Variants in ARID2 observed in about 807,000 individuals in gnomAD.
ARID2 encodes the protein AT-rich interaction domain 2.
In ARID2, 32 loss-of-function variants were observed where a neutral mutation model predicts 184.6. The ratio of observed to expected loss-of-function variants is 0.17; its 90% CI spans 0.13 to 0.23. The LOEUF is 0.23. Ranked by LOEUF, ARID2 falls within the 10% of genes least tolerant of loss-of-function variation. The pLI, the probability that ARID2 is intolerant of heterozygous loss-of-function variation, is 1.00. For synonymous variants in ARID2, 836 were observed against 772.6 expected (o/e 1.08, Z -1.36); for missense variants, 1,696 against 2,197.6 (o/e 0.77, Z 4.56).
At chr12:45,856,801 T>G (rs907824777) in intron 15 of ARID2, among the ~76,000 whole-genome samples, 5 of 152,214 alleles carry the variant, frequency 3.3e-5, no homozygotes, top group Non-Finnish European at 5.9e-5. Flanking sequence ...ATATTTAGTA[T>G]TTAGCTGGGT....
intron 3 of ARID2, among the ~76,000 whole-genome samples, chr12:45,778,537 G>C (rs745998083): frequency 1.3e-5 from 2 of 151,928 alleles, no homozygotes; most frequent in Non-Finnish European, 2.9e-5. Flanking sequence ...GTAATAATAA[G>C]AAAAAGACTA....
chr12:45,757,903 C>T (rs1941598644), intron 3 of ARID2, among the ~76,000 whole-genome samples: 1 of 152,168 alleles, frequency 6.6e-6, no homozygotes, highest in African/African-American at 2.4e-5. Flanking sequence ...ATGGTGCTTG[C>T]TTCAATTATC....
intron 16 of ARID2, among the ~76,000 whole-genome samples, chr12:45,888,712 A>T (rs1471441551): frequency 6.6e-6 from 1 of 152,176 alleles, no homozygotes; most frequent in Non-Finnish European, 1.5e-5. Context: ...CCATCTTTAA[A>T]ACTAGATTCT....
chr12:45,862,132 C>T (rs1184926461), intron 16 of ARID2, among the ~76,000 whole-genome samples: 1 of 152,142 alleles, frequency 6.6e-6, no homozygotes, highest in Non-Finnish European at 1.5e-5. Context: ...CTGTAACTCT[C>T]AACCCAGTAG....
intron 6 of ARID2, among the ~76,000 whole-genome samples, chr12:45,824,065 A>T (rs1041338072): frequency 6.6e-6 from 1 of 152,158 alleles, no homozygotes; most frequent in Non-Finnish European, 1.5e-5. Flanking sequence ...ATCCAACAAC[A>T]TATCAAAAAG....
chr12:45,798,479 T>G (rs1398195825), intron 3 of ARID2, among the ~76,000 whole-genome samples: 1 of 152,168 alleles, frequency 6.6e-6, no homozygotes. Flanking sequence ...AATTCAAAAT[T>G]TCAGGCAGGA....
chr12:45,791,685 C>T (rs1299973625), intron 3 of ARID2, among the ~76,000 whole-genome samples: 2 of 152,134 alleles, frequency 1.3e-5, no homozygotes, highest in South Asian at 4.1e-4. Context: ...TCTGGACCTC[C>T]CTGGGCTCAG....
In ARID2 at chr12:45,839,459, G is replaced by T. The variant is rs1334370889; in HGVS notation, c.1461G>T (p.Glu487Asp). ...CTGAAATTAGGCCACAAGCTATAGA[G>T]CAAGTCCAAACCCAGACTCATGTAG... Reference protein sequence around the residue: ...MLSEIRPQAIEQVQTQTHVAS... With the variant: ...MLSEIRPQAIDQVQTQTHVAS... The change falls in exon 11 of 21, where the codon GAG becomes GAT. Residue 487 changes from glutamate (E) to aspartate (D), a missense_variant. This residue lies in a region of ARID2 where 713 missense variants were observed against 824.4 expected (regional missense o/e 0.86). Coordinates refer to ENST00000334344, the MANE Select transcript of ARID2 (RefSeq NM_152641.4). 2 of 1,613,808 alleles carry T rather than the reference G, an allele frequency of 1.2e-6. No individual in the cohort carries two copies. The highest frequency in any genetic ancestry group is 8.5e-7 in the Non-Finnish European group (1 of 1,179,924).
intron 3 of ARID2, among the ~76,000 whole-genome samples, chr12:45,802,877 C>T (rs1241484156): frequency 4.6e-5 from 7 of 152,152 alleles, no homozygotes; most frequent in Non-Finnish European, 8.8e-5. Flanking sequence ...TTCTTTGCCA[C>T]GTTCGTCTGC....
chr12:45,822,643 G>C (rs1456808827), intron 6 of ARID2, among the ~76,000 whole-genome samples: 2 of 152,082 alleles, frequency 1.3e-5, no homozygotes, highest in African/African-American at 4.8e-5. Context: ...AATGGTGTTT[G>C]ATTAATCACT....
intron 16 of ARID2, among the ~76,000 whole-genome samples, chr12:45,868,708 T>C (rs2138201602): frequency 6.6e-6 from 1 of 152,350 alleles, no homozygotes; most frequent in South Asian, 2.1e-4. Flanking sequence ...GGCTAACTTA[T>C]TGGCAATCAT....
rs547197451 is a variant in ARID2, at chr12:45,870,396, A to G, written c.4922+9447A>G. On this transcript the variant is annotated intron_variant, in intron 16 of 20. Transcript: ENST00000334344. ...GCACACAGTTTCCACTATTATTGAC[A>G]CCTTGCATTAGTGTGGTACACATGT... Among the ~76,000 whole-genome samples the G allele has an allele frequency of 1.1e-3, 171 of 152,196 alleles. 2 individuals carry two copies. The highest frequency in any genetic ancestry group is 4.1e-3 in the African/African-American group (169 of 41,526).
At chr12:45,879,065 A>G (rs1397006990) in intron 16 of ARID2, among the ~76,000 whole-genome samples, 6 of 152,100 alleles carry the variant, frequency 3.9e-5, no homozygotes, top group African/African-American at 1.2e-4. Flanking sequence ...CTGTTATACT[A>G]TACTGGAAAC....
chr12:45,809,586 A>G (rs1373697125), intron 3 of ARID2, among the ~76,000 whole-genome samples: 4 of 152,186 alleles, frequency 2.6e-5, no homozygotes, highest in Non-Finnish European at 2.9e-5. Flanking sequence ...AAATGTGTAC[A>G]CTTGCCTACC....
chr12:45,899,804 G>C (rs190767909), intron 20 of ARID2, among the ~76,000 whole-genome samples: 1 of 147,910 alleles, frequency 6.8e-6, no homozygotes, highest in Admixed American at 6.8e-5. Context: ...TCCAAGGGGG[G>C]AGCCTGCAAC....
intron 3 of ARID2, among the ~76,000 whole-genome samples, chr12:45,742,896 G>T (rs1248515663): frequency 6.6e-6 from 1 of 152,164 alleles, no homozygotes; most frequent in Admixed American, 6.5e-5. Context: ...TTGTAGGAGA[G>T]AACTTTTTTG....
At position 45,746,445 on chromosome 12, in the gene ARID2, G is replaced by A. The variant is rs145037954; in HGVS notation, c.284+15131G>A. ...ACTGTAAATATCTAGACAAAGGGAT[G>A]GTAGGGAGATATGTTTTAAAAACAG... is the stretch of plus-strand genomic sequence containing the variant. On this transcript the variant is annotated intron_variant, in intron 3 of 20. Transcript: ENST00000334344. Among the ~76,000 whole-genome samples the A allele has an allele frequency of 5.2e-4, 79 of 151,978 alleles. 3 individuals are homozygous for A. Among genetic ancestry groups the A allele is most frequent in the African/African-American group, 1.9e-3 (77 of 41,438 alleles).
At chr12:45,827,920 A>G (rs1943032290) in intron 6 of ARID2, among the ~76,000 whole-genome samples, 1 of 152,106 alleles carries the variant, frequency 6.6e-6, no homozygotes, top group African/African-American at 2.4e-5. Flanking sequence ...ATGACAAAAG[A>G]TATGTTAATC....
At chr12:45,889,423 T>C (rs1321184999) in intron 16 of ARID2, among the ~76,000 whole-genome samples, 3 of 152,190 alleles carry the variant, frequency 2.0e-5, no homozygotes, top group African/African-American at 7.2e-5. Flanking sequence ...GAACATATTG[T>C]TTATGATTTG....
Sources: allele counts gnomAD v4.1 joint callset (sites outside exome capture counted in the v4.1 genomes callset), GRCh38; gene constraint gnomAD v4.1.1; regional missense constraint gnomAD v4.1.1; transcripts MANE v1.5; gene names NCBI Gene and HGNC (gene_info 2026-07-23, HGNC 2026-07-21).